PCDHGA4: variants seen among roughly 807,000 people sequenced by gnomAD.
PCDHGA4 encodes the protein protocadherin gamma-A4.
A neutral mutation model predicts 54.6 loss-of-function variants in PCDHGA4; 38 were observed. The observed-to-expected ratio is 0.70, with a 90% CI of 0.54 to 0.91. PCDHGA4 has a LOEUF of 0.91. Among genes scored for constraint, PCDHGA4 ranks in the 40% least tolerant of loss-of-function variants. The pLI is 0.00. For synonymous variants in PCDHGA4, 511 were observed against 512.9 expected (o/e 1.00, Z 0.05); for missense variants, 1,298 against 1,220.9 (o/e 1.06, Z -0.94).
rs1041367498 is a variant in PCDHGA4 at position 141,489,060 on chromosome 5, T to G, written c.2515-5747T>G. ...CAGCTCCACTCAAATTCAGCTCCCCTCCCCCCTGCCCACCCCCGCCACTCG... is the reference window on the plus strand; with the variant it reads ...CAGCTCCACTCAAATTCAGCTCCCCGCCCCCCTGCCCACCCCCGCCACTCG... On this transcript the variant is annotated intron_variant, in intron 1 of 3. Transcript: ENST00000571252. This position sits in a 1 kb window ranked among gnomAD's most constrained non-coding sequence, Gnocchi z 4.5. The G allele has an allele frequency of 1.7e-5, 5 of 300,224 alleles. No individual in the cohort carries two copies. The highest frequency in any genetic ancestry group is 2.4e-5 in the African/African-American group (1 of 42,484). The allele number at this position is 300,224 out of a possible 1,614,324, so 18.6% of individuals were successfully genotyped here.
At chr5:141,498,826 A>G (rs1186868890) in intron 2 of PCDHGA4, among the ~76,000 whole-genome samples, 1 of 152,006 alleles carries the variant, frequency 6.6e-6, no homozygotes, top group African/African-American at 2.4e-5. Context: ...CCAGCTACTC[A>G]GGAGGCTGAG....
At chr5:141,468,931 G>A (rs1321821773) in intron 1 of PCDHGA4, among the ~76,000 whole-genome samples, 2 of 148,600 alleles carry the variant, frequency 1.3e-5, no homozygotes, top group Non-Finnish European at 3.0e-5. Flanking sequence ...GCACTAAAAT[G>A]GGAGATGGGG....
chr5:141,398,197 T>G lies in PCDHGA4; in HGVS notation c.2514+40576T>G, dbSNP rs1317220760. On this transcript the variant is annotated intron_variant, in intron 1 of 3. Transcript: ENST00000571252. Reference sequence around the variant, plus strand: ...AGTGCTCTTTCTCTTCCTGCTGTCTTTGTTCTGCCCGGCGCTCTGTGAGCA... The same window carrying G: ...AGTGCTCTTTCTCTTCCTGCTGTCTGTGTTCTGCCCGGCGCTCTGTGAGCA... 2.7e-6 allele frequency: 4 copies of G among 1,492,294 alleles called. No homozygotes were observed. The African/African-American group carries it at 4.2e-5, about 16-fold the overall frequency. The allele number at this position is 1,492,294 out of a possible 1,614,324, so 92.4% of individuals were successfully genotyped here.
chr5:141,377,672 C>G (rs529772336), intron 1 of PCDHGA4: 1 of 151,784 alleles, frequency 6.6e-6, no homozygotes, highest in East Asian at 1.9e-4. Context: ...GACGTTCATA[C>G]AAGAGATCTT....
At position 141,490,359 on chromosome 5, in the gene PCDHGA4, T is replaced by A; in HGVS notation, c.2515-4448T>A. On this transcript the variant is annotated intron_variant, in intron 1 of 3. Coordinates refer to ENST00000571252, the MANE Select transcript of PCDHGA4 (RefSeq NM_018917.4). The surrounding 1 kb of genome is among the most constrained non-coding windows in gnomAD (Gnocchi z 5.4). ...TGGGCACAGTAGTGGGGTTGTTTAA[T>A]GTGCGAGACCGGGACTCAGGTAGAA... 6.2e-7 allele frequency: 1 copy of A among 1,614,212 alleles called. No individual in the cohort carries two copies. The highest frequency in any genetic ancestry group is 8.5e-7 in the Non-Finnish European group (1 of 1,180,036).
At position 141,448,695 on chromosome 5, in the gene PCDHGA4, C is replaced by T. The variant is rs535473305; in HGVS notation, c.2515-46112C>T. 2.7e-4 allele frequency among the ~76,000 whole-genome samples: 41 copies of T among 152,246 alleles called. No homozygotes were observed. In the South Asian group the frequency reaches 8.5e-3, roughly 32 times the overall value. On this transcript the variant is annotated intron_variant, in intron 1 of 3. Coordinates refer to ENST00000571252, the MANE Select transcript of PCDHGA4 (RefSeq NM_018917.4). Reference sequence around the variant, plus strand: ...GTGGCTCACGCCTGTAATCGCAGCACTTTGGGAGGCCGAGGCGGGAGGATC... The same window carrying T: ...GTGGCTCACGCCTGTAATCGCAGCATTTTGGGAGGCCGAGGCGGGAGGATC...
chr5:141,423,382 C>G, intron 1 of PCDHGA4: 1 of 1,614,118 alleles, frequency 6.2e-7, no homozygotes, highest in Non-Finnish European at 8.5e-7. Flanking sequence ...CAGGCTGTGG[C>G]GCTGGCATAA....
At chr5:141,366,718 G>A (rs772444465) in intron 1 of PCDHGA4, 26 of 1,613,638 alleles carry the variant, frequency 1.6e-5, no homozygotes, top group Admixed American at 3.3e-5. Context: ...TGTCTGATAA[G>A]GTAGATGCAA....
intron 1 of PCDHGA4, chr5:141,411,158 A>T (rs1384845652): frequency 6.6e-6 from 1 of 152,212 alleles, no homozygotes; most frequent in Admixed American, 6.5e-5. Context: ...TCAAGTTCTG[A>T]CTATCGAACA....
At chr5:141,410,961 C>T (rs2095452770) in intron 1 of PCDHGA4, 1 of 178,096 alleles carries the variant, frequency 5.6e-6, no homozygotes, top group African/African-American at 2.5e-5. Flanking sequence ...TCAAGCGATT[C>T]TCCTGCCTCA....
Position 141,477,966 on chromosome 5 carries a change from G to A in PCDHGA4, c.2515-16841G>A, listed in dbSNP as rs2099426792. 6.2e-7 allele frequency: 1 copy of A among 1,614,118 alleles called. No individual in the cohort carries two copies. The highest frequency in any genetic ancestry group is 8.5e-7 in the Non-Finnish European group (1 of 1,180,036). ...AGTCTCTTGGGATCCCCTAACCAGAGCCTTTTTGCCATAGGGCTGCACACT... is the reference window on the plus strand; with the variant it reads ...AGTCTCTTGGGATCCCCTAACCAGAACCTTTTTGCCATAGGGCTGCACACT... On this transcript the variant is annotated intron_variant, in intron 1 of 3. Transcript: ENST00000571252. This position sits in a 1 kb window ranked among gnomAD's most constrained non-coding sequence, Gnocchi z 4.9.
chr5:141,472,159 A>G (rs1020175900), intron 1 of PCDHGA4, among the ~76,000 whole-genome samples: 1 of 152,246 alleles, frequency 6.6e-6, no homozygotes, highest in Non-Finnish European at 1.5e-5. Context: ...TTACATAGCT[A>G]CTAGGTGTAA....
At chr5:141,449,349 G>A (rs191322076) in intron 1 of PCDHGA4, among the ~76,000 whole-genome samples, 2 of 151,956 alleles carry the variant, frequency 1.3e-5, no homozygotes, top group African/African-American at 4.8e-5. Flanking sequence ...GCTCACTCCT[G>A]TAATCCCAGC....
rs151119016 is a variant in PCDHGA4, at chr5:141,489,949, G to C, written c.2515-4858G>C. On this transcript the variant is annotated intron_variant, in intron 1 of 3. Transcript: ENST00000571252. The surrounding 1 kb of genome is among the most constrained non-coding windows in gnomAD (Gnocchi z 4.5). ...CTCTGTCATCGTGCTGGACATCAAT[G>C]ATAATGCTCCAACCTTCCAATCCTC... is the stretch of plus-strand genomic sequence containing the variant. 1 of 1,614,198 alleles carries C rather than the reference G, an allele frequency of 6.2e-7. No individual in the cohort carries two copies. Among genetic ancestry groups the C allele is most frequent in the Non-Finnish European group, 8.5e-7 (1 of 1,180,028 alleles).
intron 2 of PCDHGA4, among the ~76,000 whole-genome samples, chr5:141,497,050 G>A (rs113054804): frequency 6.6e-5 from 10 of 152,096 alleles, no homozygotes; most frequent in East Asian, 5.8e-4. Context: ...TTAGCCAGGC[G>A]TGGTGGCAGG....
chr5:141,470,323 A>C (rs1029928511), intron 1 of PCDHGA4, among the ~76,000 whole-genome samples: 1 of 152,188 alleles, frequency 6.6e-6, no homozygotes, highest in African/African-American at 2.4e-5. Flanking sequence ...AAATGATCCC[A>C]TAATTTGACC....
chr5:141,497,919 T>G (rs762168347), intron 2 of PCDHGA4, among the ~76,000 whole-genome samples: 11 of 152,206 alleles, frequency 7.2e-5, no homozygotes, highest in Non-Finnish European at 1.6e-4. Flanking sequence ...TCTCCTTCAT[T>G]CATTCAACAA....
intron 1 of PCDHGA4, chr5:141,419,861 T>G (rs749551833): frequency 6.2e-7 from 1 of 1,614,098 alleles, no homozygotes; most frequent in Non-Finnish European, 8.5e-7. Context: ...CGCAGATAGC[T>G]TGCAAGAGGT....
At position 141,424,003 on chromosome 5, in the gene PCDHGA4, T is replaced by C. The variant is rs150506228; in HGVS notation, c.2514+66382T>C. 5.3e-3 allele frequency: 5,614 copies of C among 1,067,752 alleles called. 27 individuals carry two copies. The highest frequency in any genetic ancestry group is 0.01 in the Admixed American group (195 of 19,092). 66.1% of individuals were successfully genotyped at this position (1,067,752 alleles called of 1,614,324 possible). A position where few individuals can be genotyped will look rare whatever the true frequency, so the allele number is the denominator to read the frequency against. ...AGGCTCTCAATTTATTATATATAGA[T>C]ACAAATTAATGATTCACAAACACTT... On this transcript the variant is annotated intron_variant, in intron 1 of 3. Transcript: ENST00000571252.
Sources: allele counts gnomAD v4.1 joint callset (sites outside exome capture counted in the v4.1 genomes callset), GRCh38; gene constraint gnomAD v4.1.1; non-coding constraint Gnocchi (gnomAD v3.1); transcripts MANE v1.5; gene names NCBI Gene and HGNC (gene_info 2026-07-23, HGNC 2026-07-21).